The following KDM6A variants were observed in gnomAD, a reference collection of about 807,000 sequenced individuals.
The protein encoded by KDM6A is lysine demethylase 6A.
In KDM6A, 11 loss-of-function variants were observed where a neutral mutation model predicts 117.6. The ratio of observed to expected loss-of-function variants is 0.09; its 90% CI spans 0.06 to 0.15. KDM6A has a LOEUF of 0.15. Among genes scored for constraint, KDM6A ranks in the 10% least tolerant of loss-of-function variants. KDM6A has a pLI of 1.00. For missense variants in KDM6A, 799 were observed against 1,077.3 expected (o/e 0.74, Z 3.62); for synonymous variants, 384 against 396.1 (o/e 0.97, Z 0.36).
chrX:45,091,264 T>C (rs759925386), intron 27 of KDM6A, among the ~76,000 whole-genome samples: 3 of 112,048 alleles, frequency 2.7e-5, no homozygotes, highest in African/African-American at 9.7e-5. Flanking sequence ...GCTGATTTTT[T>C]AATTTTTAAT....
In KDM6A at chrX:44,895,361, G is replaced by A. The variant is rs1351201815; in HGVS notation, c.225+21374G>A. On this transcript the variant is annotated intron_variant, in intron 2 of 29. Coordinates refer to ENST00000611820, the MANE Select transcript of KDM6A (RefSeq NM_001291415.2). ...TCTCAATCTCCTGACCTCGTGATCT[G>A]CCCGCCTCGGCCTCCCAAAGTGCTG... 6.6e-5 allele frequency among the ~76,000 whole-genome samples: 7 copies of A among 106,672 alleles called. No homozygotes were observed. In the Admixed American group the frequency reaches 7.2e-4, roughly 11 times the overall value. 92.6% of individuals were successfully genotyped at this position (106,672 alleles called of 115,157 possible).
chrX:44,943,738 A>G lies in KDM6A; in HGVS notation c.226-17546A>G, dbSNP rs144324552. Among the ~76,000 whole-genome samples, 10 of 112,301 alleles carry G rather than the reference A, an allele frequency of 8.9e-5. 1 individual carries two copies. In the East Asian group the frequency reaches 2.8e-3, roughly 31 times the overall value. Reference sequence around the variant, plus strand: ...TTCCAATTTTCACTGATTATGAATAAAGCTGCTATAAACATTCATGTATAG... The same window carrying G: ...TTCCAATTTTCACTGATTATGAATAGAGCTGCTATAAACATTCATGTATAG... On this transcript the variant is annotated intron_variant, in intron 2 of 29. Coordinates refer to ENST00000611820, the MANE Select transcript of KDM6A (RefSeq NM_001291415.2).
intron 2 of KDM6A, among the ~76,000 whole-genome samples, chrX:44,928,206 A>G (rs186187872): frequency 8.9e-6 from 1 of 112,437 alleles, no homozygotes; most frequent in East Asian, 2.8e-4. Flanking sequence ...AAATTTCTGA[A>G]AAGTGATAAC....
chrX:44,912,183 G>A (rs1173526761), intron 2 of KDM6A, among the ~76,000 whole-genome samples: 3 of 111,067 alleles, frequency 2.7e-5, no homozygotes, highest in African/African-American at 9.9e-5. Context: ...TCGCCTCCCA[G>A]GTTGAAGTGA....
chrX:45,012,129 C>G (rs1037786538), intron 5 of KDM6A, among the ~76,000 whole-genome samples: 15 of 109,421 alleles, frequency 1.4e-4, no homozygotes, highest in Non-Finnish European at 2.5e-4. Flanking sequence ...CAGTCACTTG[C>G]CTTTCCTATA....
intron 2 of KDM6A, among the ~76,000 whole-genome samples, chrX:44,874,881 A>G (rs754726274): frequency 9.0e-6 from 1 of 111,696 alleles, no homozygotes; most frequent in South Asian, 3.7e-4. Flanking sequence ...GTGTTTAAAA[A>G]AAATTACCCA....
chrX:44,917,827 G>C (rs192086726), intron 2 of KDM6A, among the ~76,000 whole-genome samples: 8 of 111,818 alleles, frequency 7.2e-5, no homozygotes, highest in African/African-American at 2.6e-4. Flanking sequence ...CTGTTATTGG[G>C]GTTTTATTTT....
chrX:44,912,684 T>G (rs1260861486), intron 2 of KDM6A, among the ~76,000 whole-genome samples: 1 of 111,975 alleles, frequency 8.9e-6, no homozygotes, highest in East Asian at 2.8e-4. Context: ...ATATTTATAT[T>G]AGGTCCAAAG....
At chrX:45,085,000 C>T (rs1318499611) in intron 24 of KDM6A, among the ~76,000 whole-genome samples, 8 of 111,366 alleles carry the variant, frequency 7.2e-5, no homozygotes, top group Non-Finnish European at 1.3e-4. Context: ...AATATACAGC[C>T]AGGATTAGAA....
chrX:45,072,886 T>C lies in KDM6A; in HGVS notation c.2858+2529T>C, dbSNP rs746583962. 5.2e-4 allele frequency among the ~76,000 whole-genome samples: 56 copies of C among 107,306 alleles called. 1 individual carries two copies. Among genetic ancestry groups the C allele is most frequent in the African/African-American group, 1.9e-3 (56 of 29,648 alleles). 93.2% of individuals were successfully genotyped at this position (107,306 alleles called of 115,157 possible). A position where few individuals can be genotyped will look rare whatever the true frequency, so the allele number is the denominator to read the frequency against. On this transcript the variant is annotated intron_variant, in intron 18 of 29. Coordinates refer to ENST00000611820, the MANE Select transcript of KDM6A (RefSeq NM_001291415.2). ...ATAATAATATATATATATATACATA[T>C]ATATACTTTAAGTTCTAGGGTACAT...
intron 28 of KDM6A, among the ~76,000 whole-genome samples, chrX:45,108,619 G>T (rs2148295498): frequency 9.5e-6 from 1 of 105,300 alleles, no homozygotes; most frequent in Non-Finnish European, 1.9e-5. Flanking sequence ...CCATTACTGG[G>T]TATATACCCA....
At chrX:45,055,847 T>G (rs1161893556) in intron 10 of KDM6A, among the ~76,000 whole-genome samples, 1 of 111,765 alleles carries the variant, frequency 8.9e-6, no homozygotes, top group East Asian at 2.8e-4. Flanking sequence ...GATAGTTTAA[T>G]ACAGTAGTGT....
intron 3 of KDM6A, among the ~76,000 whole-genome samples, chrX:44,964,700 A>G (rs1288242964): frequency 8.9e-6 from 1 of 111,936 alleles, no homozygotes; most frequent in Admixed American, 9.5e-5. Context: ...ATGTGCTGTC[A>G]TTCAGACTTT....
intron 3 of KDM6A, among the ~76,000 whole-genome samples, chrX:44,967,964 G>A (rs1251632605): frequency 8.9e-6 from 1 of 112,372 alleles, no homozygotes; most frequent in Non-Finnish European, 1.9e-5. Context: ...ATTGGATAGG[G>A]GATTGTGGGA....
At chrX:44,926,951 G>C (rs552730370) in intron 2 of KDM6A, among the ~76,000 whole-genome samples, 11 of 111,621 alleles carry the variant, frequency 9.9e-5, no homozygotes, top group African/African-American at 2.9e-4. Flanking sequence ...TCTGTAAAAT[G>C]AGAGAATAAA....
At chrX:45,023,599 T>A (rs760577888) in intron 6 of KDM6A, among the ~76,000 whole-genome samples, 2 of 111,928 alleles carry the variant, frequency 1.8e-5, no homozygotes, top group South Asian at 7.5e-4. Context: ...GCCACCCACA[T>A]GATTGATATA....
chrX:45,037,257 CTT>C (rs753733301), intron 7 of KDM6A, among the ~76,000 whole-genome samples: 3 of 111,788 alleles, frequency 2.7e-5, no homozygotes, highest in Admixed American at 9.4e-5. Context: ...TGATTTTACT[CTT>C]TTTTGACTTG....
intron 4 of KDM6A, among the ~76,000 whole-genome samples, chrX:44,987,148 C>T (rs1331195058): frequency 8.9e-6 from 1 of 111,745 alleles, no homozygotes; most frequent in Non-Finnish European, 1.9e-5. Context: ...TTGAATTGAT[C>T]GCTTTACCAT....
chrX:44,981,034 A>T (rs2039880694), intron 4 of KDM6A, among the ~76,000 whole-genome samples: 1 of 110,294 alleles, frequency 9.1e-6, no homozygotes, highest in Admixed American at 9.7e-5. Context: ...ATAGGAAAAA[A>T]CTCAGTTCCT....
Sources: gnomAD v4.1 joint callset for allele counts (sites outside exome capture counted in the v4.1 genomes callset) on GRCh38, gnomAD v4.1.1 for gene constraint, MANE v1.5 for transcripts, NCBI Gene and HGNC (gene_info 2026-07-23, HGNC 2026-07-21) for gene names.